The following FAT3 variants were observed in gnomAD, a reference collection of about 807,000 sequenced individuals.
FAT3 encodes protocadherin Fat 3.
In FAT3, 95 loss-of-function variants were observed where a neutral mutation model predicts 310.2. The ratio of observed to expected loss-of-function variants is 0.31; its 90% CI spans 0.26 to 0.36. FAT3 has a LOEUF of 0.36. Ranked by LOEUF, FAT3 falls within the 10% of genes least tolerant of loss-of-function variation. The pLI is 1.00. For missense variants in FAT3, 5,408 were observed against 5,715.6 expected (o/e 0.95, Z 1.74); for synonymous variants, 2,314 against 2,192.9 (o/e 1.06, Z -1.54).
intron 11 of FAT3, among the ~76,000 whole-genome samples, chr11:92,805,559 C>T (rs1253672206): frequency 7.7e-6 from 1 of 129,722 alleles, no homozygotes; most frequent in Non-Finnish European, 1.7e-5. Flanking sequence ...ATTTTGTACC[C>T]TGCCCCCAAC....
chr11:92,752,574 T>C (rs2852407), intron 4 of FAT3, among the ~76,000 whole-genome samples: 89,372 of 152,100 alleles, frequency 0.59, 28,138 homozygotes, highest in African/African-American at 0.83. Context: ...CCAAAGTTTC[T>C]AGTAACATGA....
intron 3 of FAT3, 145 bp from the exon 4 acceptor site, chr11:92,697,239 T>G: frequency 1.8e-6 from 1 of 568,280 alleles, no homozygotes; most frequent in Admixed American, 3.4e-5. Flanking sequence ...GAATAATTCT[T>G]GAGACCATTC....
chr11:92,336,222 A>G, intron 1 of FAT3: 1 of 568,608 alleles, frequency 1.8e-6, no homozygotes, highest in Non-Finnish European at 3.5e-6. Flanking sequence ...GACGCCAAAG[A>G]AGAAGACAAC....
Position 92,882,863 on chromosome 11 carries a change from G to T in FAT3, c.12407G>T (p.Arg4136Leu), listed in dbSNP as rs1252503934. 6.2e-7 allele frequency: 1 copy of T among 1,612,100 alleles called. No individual in the cohort carries two copies. The highest frequency in any genetic ancestry group is 8.5e-7 in the Non-Finnish European group (1 of 1,179,320). Residue 4136 changes from arginine to leucine, a missense_variant, in exon 24 of 28, where the codon CGC (arginine) becomes CTC (leucine). This residue lies in a region of FAT3 where 649 missense variants were observed against 666.2 expected (regional missense o/e 0.97). Transcript: ENST00000525166. ...PGYVGQYCGL[R>L]PVVVPNIQAG... ...TACGTGGGCCAGTACTGCGGGCTGC[G>T]CCCCGTGGTGGTACCCAATATCCAG...
intron 4 of FAT3, among the ~76,000 whole-genome samples, chr11:92,702,344 T>G (rs1944123730): frequency 6.6e-6 from 1 of 152,124 alleles, no homozygotes; most frequent in Non-Finnish European, 1.5e-5. Context: ...AATGAGACCT[T>G]GAAGGGGAGA....
At position 92,622,052 on chromosome 11, in the gene FAT3, G is replaced by A. The variant is rs117219433; in HGVS notation, c.3608-75332G>A. Reference sequence around the variant, plus strand: ...CAAATTCTTATCCATTAGCCCCTAGGTAATTTTCCCCCAGCACCTTAAAAA... The same window carrying A: ...CAAATTCTTATCCATTAGCCCCTAGATAATTTTCCCCCAGCACCTTAAAAA... On this transcript the variant is annotated intron_variant, in intron 3 of 27. Transcript: ENST00000525166. 3.5e-4 allele frequency among the ~76,000 whole-genome samples: 53 copies of A among 152,234 alleles called. 1 individual carries two copies. The East Asian group carries it at 0.01, about 29-fold the overall frequency.
Position 92,353,797 on chromosome 11 carries a change from T to A in FAT3, c.1685T>A (p.Val562Asp), listed in dbSNP as rs754881712. ...TCACCATACCGCCATGAAAGTGAGG[T>A]CAATGTGACTATTCGAATAGGAAAT... ...WGSPYRHESE[V>D]NVTIRIGNVN... Residue 562 changes from valine (V) to aspartate (D), a missense_variant, in exon 2 of 28, where the codon GTC (valine) becomes GAC (aspartate). Transcript: ENST00000525166. The A allele has an allele frequency of 6.2e-7, 1 of 1,613,468 alleles. No individual in the cohort carries two copies. Among genetic ancestry groups the A allele is most frequent in the South Asian group, 1.1e-5 (1 of 91,068 alleles).
intron 2 of FAT3, among the ~76,000 whole-genome samples, chr11:92,414,627 T>G (rs1450187342): frequency 6.6e-6 from 1 of 152,212 alleles, no homozygotes; most frequent in Admixed American, 6.5e-5. Flanking sequence ...TTTTCTTTCT[T>G]GGAAACATGG....
intron 2 of FAT3, among the ~76,000 whole-genome samples, chr11:92,464,790 T>G (rs1227127775): frequency 1.3e-5 from 2 of 152,204 alleles, no homozygotes; most frequent in East Asian, 3.9e-4. Flanking sequence ...TTTTGGAATG[T>G]TTAAGTATTT....
chr11:92,310,153 T>C (rs966336974), intron 1 of FAT3, among the ~76,000 whole-genome samples: 1 of 152,222 alleles, frequency 6.6e-6, no homozygotes, highest in African/African-American at 2.4e-5. Flanking sequence ...ATCTTTTCAA[T>C]GATTTCTGTA....
intron 2 of FAT3, among the ~76,000 whole-genome samples, chr11:92,360,973 A>G (rs1948866051): frequency 6.6e-6 from 1 of 152,194 alleles, no homozygotes; most frequent in African/African-American, 2.4e-5. Context: ...TAACCTTGTT[A>G]CACATATGTA....
At position 92,687,190 on chromosome 11, in the gene FAT3, C is replaced by T. The variant is rs552726300; in HGVS notation, c.3608-10194C>T. Among the ~76,000 whole-genome samples the T allele has an allele frequency of 2.0e-5, 3 of 152,252 alleles. No homozygotes were observed. The South Asian group carries it at 6.2e-4, about 32-fold the overall frequency. On this transcript the variant is annotated intron_variant, in intron 3 of 27. Coordinates refer to ENST00000525166, the MANE Select transcript of FAT3 (RefSeq NM_001367949.2). ...CTGCTTTTTAAACAGCATCTGAGTA[C>T]AAGCCACTGTGCCAAGCACCTCAGC...
intron 2 of FAT3, among the ~76,000 whole-genome samples, chr11:92,461,417 C>T (rs1015645455): frequency 6.6e-6 from 1 of 152,064 alleles, no homozygotes; most frequent in Non-Finnish European, 1.5e-5. Flanking sequence ...AGAGTAAATA[C>T]ATTTATAAAA....
rs140344555 is a variant in FAT3, at chr11:92,326,523, C to T, written c.-17-25573C>T. Among the ~76,000 whole-genome samples the T allele has an allele frequency of 6.5e-3, 986 of 152,320 alleles. 3 individuals are homozygous for T. The highest frequency in any genetic ancestry group is 0.011 in the Non-Finnish European group (732 of 68,026). ...CATTTCAACCAGCCATCTACCTGTC[C>T]GAAAGCCCAGCCTTTCCTTTAGGAC... On this transcript the variant is annotated intron_variant, in intron 1 of 27. Coordinates refer to ENST00000525166, the MANE Select transcript of FAT3 (RefSeq NM_001367949.2).
At chr11:92,238,251 A>G (rs1253895877) in intron 1 of FAT3, among the ~76,000 whole-genome samples, 1 of 152,170 alleles carries the variant, frequency 6.6e-6, no homozygotes, top group Non-Finnish European at 1.5e-5. Context: ...AAATTATGCT[A>G]ATTTTACAGT....
At chr11:92,451,512 C>T (rs1296846398) in intron 2 of FAT3, among the ~76,000 whole-genome samples, 3 of 152,122 alleles carry the variant, frequency 2.0e-5, no homozygotes, top group Admixed American at 1.3e-4. Context: ...CAGCATTCCC[C>T]AGAGATCACA....
chr11:92,346,865 G>A (rs905212577), intron 1 of FAT3, among the ~76,000 whole-genome samples: 2 of 152,002 alleles, frequency 1.3e-5, no homozygotes, highest in Non-Finnish European at 2.9e-5. Context: ...CCTTTGATGG[G>A]TGTTTTTTTC....
chr11:92,231,174 C>T (rs146002637), intron 1 of FAT3, among the ~76,000 whole-genome samples: 1 of 152,300 alleles, frequency 6.6e-6, no homozygotes, highest in Non-Finnish European at 1.5e-5. Flanking sequence ...CATGCAGGTG[C>T]ACATGGTGTA....
At chr11:92,854,724 GC>G (rs1169943974) in intron 19 of FAT3, among the ~76,000 whole-genome samples, 1 of 152,050 alleles carries the variant, frequency 6.6e-6, no homozygotes, top group Non-Finnish European at 1.5e-5. Flanking sequence ...AAATTATCTG[GC>G]CCTTTTTTCC....
Sources: gnomAD v4.1 joint callset for allele counts (sites outside exome capture counted in the v4.1 genomes callset) on GRCh38, gnomAD v4.1.1 for gene constraint, gnomAD v4.1.1 regional missense constraint, MANE v1.5 for transcripts, NCBI Gene and HGNC (gene_info 2026-07-23, HGNC 2026-07-21) for gene names.